Variants in CLIP1 observed in about 807,000 individuals in gnomAD.
The protein encoded by CLIP1 is CAP-Gly domain containing linker protein 1.
Under a neutral mutation model 161.6 loss-of-function variants are expected in CLIP1, and 66 were observed. The ratio of observed to expected loss-of-function variants is 0.41; its 90% CI spans 0.33 to 0.50. The LOEUF (loss-of-function observed/expected upper bound fraction) is 0.50. Among genes scored for constraint, CLIP1 ranks in the 20% least tolerant of loss-of-function variants. The pLI is 0.27. For synonymous variants in CLIP1, 598 were observed against 626.2 expected (o/e 0.96, Z 0.67); for missense variants, 1,376 against 1,702.0 (o/e 0.81, Z 3.37).
rs930512802 is a variant in CLIP1 at position 122,361,110 on chromosome 12, G to A, written c.854C>T (p.Ser285Phe). 20 of 1,614,138 alleles carry A rather than the reference G, an allele frequency of 1.2e-5. No individual in the cohort carries two copies. The highest frequency in any genetic ancestry group is 1.7e-5 in the Non-Finnish European group (20 of 1,180,050). The change falls in exon 5 of 26, where the codon TCC becomes TTC. Residue 285 changes from serine (S) to phenylalanine (F), a missense_variant. Coordinates refer to ENST00000620786, the MANE Select transcript of CLIP1 (RefSeq NM_001247997.2). ...VHKVTKIGFP[S>F]TTPAKAKANA... is the part of the protein sequence containing the mutation. The stretch of plus-strand genomic sequence containing the variant: ...GGCCTTGGCTTTGGCTGGTGTAGTG[G>A]AAGGGAAGCCAATCTTGGTAACTTT...
chr12:122,338,586 G>A (rs1013370380), intron 11 of CLIP1, among the ~76,000 whole-genome samples: 8 of 151,698 alleles, frequency 5.3e-5, no homozygotes, highest in Non-Finnish European at 8.8e-5. Flanking sequence ...GCATGATGGC[G>A]GGCGCCTGTA....
intron 18 of CLIP1, among the ~76,000 whole-genome samples, chr12:122,318,883 A>G (rs1004823494): frequency 1.3e-5 from 2 of 152,250 alleles, no homozygotes; most frequent in African/African-American, 4.8e-5. Flanking sequence ...GCTGAGGAAG[A>G]AAACTTAGTG....
chr12:122,380,019 T>C (rs6488941), intron 2 of CLIP1, among the ~76,000 whole-genome samples: 147,853 of 149,266 alleles, frequency 0.99, 73,240 homozygotes, highest in Non-Finnish European at 1. Context: ...CCGAGGTGGG[T>C]GGATCACGAG....
intron 17 of CLIP1, among the ~76,000 whole-genome samples, chr12:122,325,950 G>A (rs952017331): frequency 2.0e-5 from 3 of 152,216 alleles, no homozygotes; most frequent in African/African-American, 7.2e-5. Flanking sequence ...ACCAGAACTG[G>A]CTACAAATTT....
intron 1 of CLIP1, among the ~76,000 whole-genome samples, chr12:122,387,547 CAT>C (rs773688335): frequency 3.7e-3 from 149 of 40,326 alleles, no homozygotes; most frequent in East Asian, 9.9e-3. Flanking sequence ...CATGCCTTTT[CAT>C]ATATATATAT....
At chr12:122,276,558 T>C (rs1417525493) in intron 24 of CLIP1, 3 of 1,131,574 alleles carry the variant, frequency 2.7e-6, no homozygotes, top group Non-Finnish European at 3.5e-6. Context: ...AAGAGGACAA[T>C]GCTAATCCAT....
Position 122,355,044 on chromosome 12 carries a change from C to T in CLIP1, c.1203+71G>A, listed in dbSNP as rs1593143994. 1.3e-5 allele frequency: 18 copies of T among 1,381,384 alleles called. No individual in the cohort carries two copies. Among genetic ancestry groups the T allele is most frequent in the East Asian group, 4.6e-5 (2 of 43,518 alleles). 85.6% of individuals were successfully genotyped at this position (1,381,384 alleles called of 1,614,324 possible). On this transcript the variant is annotated intron_variant, in intron 6 of 25. Coordinates refer to ENST00000620786, the MANE Select transcript of CLIP1 (RefSeq NM_001247997.2). The surrounding 1 kb of genome is among the most constrained non-coding windows in gnomAD (Gnocchi z 4.1). ...AGTCTAGCTCCTCGGTGCCAAGCAC[C>T]GGGCATGCTTCTCGGCTCCTCAGTG...
chr12:122,344,583 A>G (rs1215107428), intron 10 of CLIP1, among the ~76,000 whole-genome samples: 1 of 152,250 alleles, frequency 6.6e-6, no homozygotes, highest in Non-Finnish European at 1.5e-5. Context: ...AAGTAAAAAT[A>G]ATAAATACCA....
chr12:122,286,977 G>A (rs1158503556), intron 21 of CLIP1, among the ~76,000 whole-genome samples: 3 of 152,018 alleles, frequency 2.0e-5, no homozygotes, highest in Admixed American at 6.6e-5. Context: ...CAGCCTGGGC[G>A]ACAGAGCGAG....
intron 11 of CLIP1, among the ~76,000 whole-genome samples, chr12:122,338,892 C>T (rs1013654429): frequency 3.9e-5 from 6 of 152,116 alleles, no homozygotes; most frequent in African/African-American, 1.2e-4. Context: ...AGAAAAATTT[C>T]CTGTAACCAG....
intron 11 of CLIP1, among the ~76,000 whole-genome samples, chr12:122,339,908 A>G (rs1449904119): frequency 6.6e-6 from 1 of 152,202 alleles, no homozygotes; most frequent in African/African-American, 2.4e-5. Flanking sequence ...ACTGTAACAC[A>G]ATGCTAAGTA....
intron 20 of CLIP1, among the ~76,000 whole-genome samples, chr12:122,302,887 G>A (rs537328715): frequency 5.9e-5 from 9 of 152,162 alleles, no homozygotes; most frequent in East Asian, 3.9e-4. Flanking sequence ...TTGAGCCACC[G>A]TGCCCAGCCT....
At chr12:122,390,261 CACACACATATATAT>C (rs1955568900) in intron 1 of CLIP1, among the ~76,000 whole-genome samples, 1 of 89,578 alleles carries the variant, frequency 1.1e-5, no homozygotes, top group Admixed American at 1.5e-4. Flanking sequence ...CACATATATA[CACACACATATATAT>C]ATACATATAT....
At chr12:122,332,131 A>G (rs971932469) in intron 15 of CLIP1, among the ~76,000 whole-genome samples, 1 of 152,090 alleles carries the variant, frequency 6.6e-6, no homozygotes, top group African/African-American at 2.4e-5. Flanking sequence ...CCCTGTCTCT[A>G]CTAAAAATAC....
At chr12:122,336,962 G>GTTT (rs11433673) in intron 11 of CLIP1, among the ~76,000 whole-genome samples, 3 of 144,350 alleles carry the variant, frequency 2.1e-5, no homozygotes, top group Middle Eastern at 3.7e-3. Flanking sequence ...CTATTTTTGT[G>GTTT]TTTTTTTTTT....
intron 5 of CLIP1, among the ~76,000 whole-genome samples, chr12:122,356,382 T>C (rs150077152): frequency 6.6e-6 from 1 of 152,214 alleles, no homozygotes; most frequent in Non-Finnish European, 1.5e-5. Context: ...CTCATTAGAT[T>C]GTCCTACAGT....
At chr12:122,296,660 T>C (rs1373486466) in intron 20 of CLIP1, among the ~76,000 whole-genome samples, 1 of 152,000 alleles carries the variant, frequency 6.6e-6, no homozygotes, top group Non-Finnish European at 1.5e-5. Context: ...AAAAAAATTA[T>C]AGATGAAATG....
chr12:122,351,793 A>G (rs1953048606), intron 8 of CLIP1, among the ~76,000 whole-genome samples: 1 of 147,854 alleles, frequency 6.8e-6, no homozygotes, highest in African/African-American at 2.4e-5. Flanking sequence ...AAACCATTTA[A>G]TTCTGGTGTC....
At position 122,373,020 on chromosome 12, in the gene CLIP1, C is replaced by A. The variant is rs143837645; in HGVS notation, c.657+4369G>T. Among the ~76,000 whole-genome samples, 512 of 152,206 alleles carry A rather than the reference C, an allele frequency of 3.4e-3. 3 individuals are homozygous for A. Among genetic ancestry groups the A allele is most frequent in the East Asian group, 0.011 (58 of 5,186 alleles). On this transcript the variant is annotated intron_variant, in intron 3 of 25. Coordinates refer to ENST00000620786, the MANE Select transcript of CLIP1 (RefSeq NM_001247997.2). ...ATTATTAGGTGCAGCGTATACTGCT[C>A]GGAAGATGGGTGCACCAAAATCTCA...
Sources: allele counts gnomAD v4.1 joint callset (sites outside exome capture counted in the v4.1 genomes callset), GRCh38; gene constraint gnomAD v4.1.1; non-coding constraint Gnocchi (gnomAD v3.1); transcripts MANE v1.5; gene names NCBI Gene and HGNC (gene_info 2026-07-23, HGNC 2026-07-21).